MYO5A: variants seen among roughly 807,000 people sequenced by gnomAD.
The protein encoded by MYO5A is unconventional myosin-Va.
Under a neutral mutation model 249.7 loss-of-function variants are expected in MYO5A, and 98 were observed. That is an observed-to-expected ratio of 0.39 (90% confidence interval 0.33 to 0.46). The LOEUF is 0.46. Among genes scored for constraint, MYO5A ranks in the 20% least tolerant of loss-of-function variants. The pLI, the probability that MYO5A is intolerant of heterozygous loss-of-function variation, is 0.98. For synonymous variants in MYO5A, 778 were observed against 810.6 expected (o/e 0.96, Z 0.68); for missense variants, 1,696 against 2,308.8 (o/e 0.73, Z 5.44).
At chr15:52,399,328 C>T (rs1167988043) in intron 9 of MYO5A, among the ~76,000 whole-genome samples, 3 of 152,144 alleles carry the variant, frequency 2.0e-5, no homozygotes, top group African/African-American at 7.2e-5. Context: ...GATGAGATTT[C>T]ATTCTGTTGC....
chr15:52,379,665 C>CTG lies in MYO5A; in HGVS notation c.2166_2167dup (p.Arg723ThrfsTer10). On this transcript the variant is annotated frameshift_variant, in exon 18 of 42. Transcript: ENST00000399233. LOFTEE classifies it high-confidence loss of function. The stretch of plus-strand genomic sequence containing the variant: ...TAACACATTCTTGCATGTTTGCTTT[C>CTG]TGTCACTCAGCACATCTTTCTGCTT... The CTG allele has an allele frequency of 6.2e-7, 1 of 1,614,224 alleles. No homozygotes were observed. The highest frequency in any genetic ancestry group is 8.5e-7 in the Non-Finnish European group (1 of 1,180,026).
chr15:52,315,163 T>C (rs147792368), intron 40 of MYO5A, among the ~76,000 whole-genome samples: 8 of 152,354 alleles, frequency 5.3e-5, no homozygotes, highest in African/African-American at 1.9e-4. Context: ...TGAAATATGC[T>C]TAAAGTATAT....
intron 5 of MYO5A, among the ~76,000 whole-genome samples, chr15:52,414,474 T>G (rs924556423): frequency 6.6e-6 from 1 of 152,048 alleles, no homozygotes; most frequent in South Asian, 2.1e-4. Context: ...ATAAAGCTGG[T>G]TTTTTTTGAA....
rs539579139 is a variant in MYO5A, at chr15:52,366,035, C to T, written c.3160+996G>A. Among the ~76,000 whole-genome samples the T allele has an allele frequency of 3.6e-3, 550 of 152,086 alleles. 6 individuals are homozygous for T. The highest frequency in any genetic ancestry group is 0.034 in the Middle Eastern group (10 of 294). On this transcript the variant is annotated intron_variant, in intron 23 of 41. Coordinates refer to ENST00000399233, the MANE Select transcript of MYO5A (RefSeq NM_001382347.1). ...TTAATTCCAGGTTTTCTTCTCTTTC[C>T]TCAGTATTAGCCCCTTCAGCTAGGA...
intron 1 of MYO5A, chr15:52,505,803 G>C: frequency 6.3e-7 from 1 of 1,591,146 alleles, no homozygotes; most frequent in Non-Finnish European, 8.5e-7. Flanking sequence ...TGGAGGAGCA[G>C]ATCACTGCGT....
In MYO5A at chr15:52,317,974, A is replaced by G. The variant is rs73406699; in HGVS notation, c.5235-752T>C. On this transcript the variant is annotated intron_variant, in intron 39 of 41. Coordinates refer to ENST00000399233, the MANE Select transcript of MYO5A (RefSeq NM_001382347.1). ...GGCTCCACATTTCCATGCAGAGCTT[A>G]TAGAGAAATATGCTCCACTATCTGA... Among the ~76,000 whole-genome samples the G allele has an allele frequency of 1.1e-3, 175 of 152,350 alleles. 1 individual carries two copies. Among genetic ancestry groups the G allele is most frequent in the African/African-American group, 4.1e-3 (170 of 41,584 alleles).
chr15:52,520,936 AGTC>A (rs1276783533), intron 1 of MYO5A, among the ~76,000 whole-genome samples: 1 of 152,182 alleles, frequency 6.6e-6, no homozygotes, highest in Non-Finnish European at 1.5e-5. Context: ...GATGTCAAAG[AGTC>A]TACTATAGGG....
intron 1 of MYO5A, among the ~76,000 whole-genome samples, chr15:52,505,033 C>T (rs979597117): frequency 6.6e-6 from 1 of 152,026 alleles, no homozygotes; most frequent in African/African-American, 2.4e-5. Context: ...TCGGCAGTTC[C>T]CATTATCTTC....
intron 5 of MYO5A, among the ~76,000 whole-genome samples, chr15:52,415,147 A>C (rs950647101): frequency 6.6e-6 from 1 of 152,190 alleles, no homozygotes; most frequent in South Asian, 2.1e-4. Flanking sequence ...AACCACTTGT[A>C]CCACAGGTGC....
At chr15:52,391,668 A>G (rs2042243356) in intron 12 of MYO5A, among the ~76,000 whole-genome samples, 1 of 152,240 alleles carries the variant, frequency 6.6e-6, no homozygotes, top group Admixed American at 6.5e-5. Context: ...ATTAATAACA[A>G]AAGTGGCTAA....
At chr15:52,438,913 T>C (rs2075725989) in intron 1 of MYO5A, among the ~76,000 whole-genome samples, 1 of 152,234 alleles carries the variant, frequency 6.6e-6, no homozygotes, top group African/African-American at 2.4e-5. Context: ...TTCCACAGGG[T>C]GGATCCAGCA....
chr15:52,472,536 C>G (rs1005251567), intron 1 of MYO5A, among the ~76,000 whole-genome samples: 6 of 151,896 alleles, frequency 4.0e-5, no homozygotes, highest in African/African-American at 1.5e-4. Flanking sequence ...TAATGCTATC[C>G]CTCCCCCATC....
At chr15:52,473,346 C>G (rs1217008729) in intron 1 of MYO5A, among the ~76,000 whole-genome samples, 7 of 152,128 alleles carry the variant, frequency 4.6e-5, no homozygotes, top group Admixed American at 3.9e-4. Flanking sequence ...CTGTAGGTTG[C>G]CTGTTCACTC....
chr15:52,495,026 G>A (rs1319440483), intron 1 of MYO5A, among the ~76,000 whole-genome samples: 5 of 151,914 alleles, frequency 3.3e-5, no homozygotes, highest in African/African-American at 1.2e-4. Flanking sequence ...ATTCATTCTT[G>A]AGATATATGA....
chr15:52,329,905 A>ATTTTTTTTTTTTTTTTTTTTTTTTT (rs58058940), intron 35 of MYO5A, among the ~76,000 whole-genome samples: 9 of 119,720 alleles, frequency 7.5e-5, no homozygotes, highest in Non-Finnish European at 1.5e-4. Flanking sequence ...CGCCTGGGTA[A>ATTTTTTTTTTTTTTTTTTTTTTTTT]TTTTTTTTTT....
chr15:52,341,783 A>C (rs1281661227), intron 31 of MYO5A, among the ~76,000 whole-genome samples: 1 of 152,212 alleles, frequency 6.6e-6, no homozygotes, highest in Non-Finnish European at 1.5e-5. Flanking sequence ...CAAACATTTG[A>C]GTGTTTTAAA....
At chr15:52,528,891 C>G (rs1005140348), upstream of MYO5A, 7 of 1,286,194 alleles carry the variant, frequency 5.4e-6, no homozygotes, top group East Asian at 3.4e-5. Context: ...AGGAAGCGCC[C>G]GCAGCCGCCG....
chr15:52,407,148 G>A, intron 8 of MYO5A, 144 bp downstream of exon 8: 1 of 674,174 alleles, frequency 1.5e-6, no homozygotes, highest in South Asian at 1.6e-5. Flanking sequence ...CTGCCCATTT[G>A]CTGTCTAAAT....
intron 1 of MYO5A, among the ~76,000 whole-genome samples, chr15:52,452,247 T>C (rs2076034674): frequency 6.6e-6 from 1 of 151,968 alleles, no homozygotes; most frequent in Non-Finnish European, 1.5e-5. Context: ...AAAAAAACTC[T>C]GAGCAGATGG....
Sources: gnomAD v4.1 joint callset for allele counts (sites outside exome capture counted in the v4.1 genomes callset) on GRCh38, gnomAD v4.1.1 for gene constraint, MANE v1.5 for transcripts, NCBI Gene and HGNC (gene_info 2026-07-23, HGNC 2026-07-21) for gene names.